The following GALNT18 variants were observed in gnomAD, a reference collection of about 807,000 sequenced individuals.
GALNT18 encodes the protein GalNAc-transferase 18.
A neutral mutation model predicts 69.5 loss-of-function variants in GALNT18; 44 were observed. The ratio of observed to expected loss-of-function variants is 0.63; its 90% CI spans 0.50 to 0.81. GALNT18 has a LOEUF of 0.81. Among genes scored for constraint, GALNT18 ranks in the 40% least tolerant of loss-of-function variants. The pLI is 0.00. For synonymous variants in GALNT18, 364 were observed against 318.2 expected (o/e 1.14, Z -1.53); for missense variants, 715 against 810.0 (o/e 0.88, Z 1.42).
At chr11:11,544,501 A>G (rs938891705) in intron 1 of GALNT18, among the ~76,000 whole-genome samples, 1 of 152,234 alleles carries the variant, frequency 6.6e-6, no homozygotes, top group Non-Finnish European at 1.5e-5. Context: ...GTACAGTGGG[A>G]AGCACACAGA....
chr11:11,280,085 A>G (rs577661124), intron 10 of GALNT18, among the ~76,000 whole-genome samples: 2 of 152,236 alleles, frequency 1.3e-5, no homozygotes, highest in South Asian at 4.1e-4. Flanking sequence ...AAACCTATTC[A>G]GAAGCATTCA....
chr11:11,355,158 T>A (rs367644995), intron 6 of GALNT18, among the ~76,000 whole-genome samples: 4 of 152,196 alleles, frequency 2.6e-5, no homozygotes, highest in Non-Finnish European at 4.4e-5. Context: ...TCAGAGCATG[T>A]CCCTCCTCTG....
chr11:11,445,584 C>A (rs776454675), intron 2 of GALNT18, among the ~76,000 whole-genome samples: 1 of 152,208 alleles, frequency 6.6e-6, no homozygotes, highest in African/African-American at 2.4e-5. Flanking sequence ...GTGTGGTCCA[C>A]CAACAGCTCT....
At chr11:11,556,045 G>A (rs564040521) in intron 1 of GALNT18, among the ~76,000 whole-genome samples, 5 of 152,148 alleles carry the variant, frequency 3.3e-5, no homozygotes, top group African/African-American at 4.8e-5. Context: ...CAAAACAATC[G>A]CATGGAACTG....
At chr11:11,450,270 C>G (rs193171114) in intron 1 of GALNT18, among the ~76,000 whole-genome samples, 1 of 152,308 alleles carries the variant, frequency 6.6e-6, no homozygotes, top group African/African-American at 2.4e-5. Context: ...TATGACACAC[C>G]TAGGTACAGG....
At chr11:11,533,388 A>T (rs1247963588) in intron 1 of GALNT18, among the ~76,000 whole-genome samples, 1 of 152,166 alleles carries the variant, frequency 6.6e-6, no homozygotes, top group African/African-American at 2.4e-5. Flanking sequence ...GCCTTGTTCC[A>T]AATCCTACTG....
At chr11:11,291,138 G>A (rs1849289248) in intron 10 of GALNT18, among the ~76,000 whole-genome samples, 1 of 152,206 alleles carries the variant, frequency 6.6e-6, no homozygotes, top group African/African-American at 2.4e-5. Context: ...GCAGAGGAAA[G>A]TGATGAAGGC....
intron 6 of GALNT18, among the ~76,000 whole-genome samples, chr11:11,371,056 C>T (rs1365736889): frequency 6.6e-6 from 1 of 152,184 alleles, no homozygotes; most frequent in Non-Finnish European, 1.5e-5. Flanking sequence ...CCCCAATAAG[C>T]CCACGCATTT....
rs1858314729 is a variant in GALNT18, at chr11:11,555,585, G to C, written c.235+65774C>G. On this transcript the variant is annotated intron_variant, in intron 1 of 10. Transcript: ENST00000227756. This position sits in a 1 kb window ranked among gnomAD's most constrained non-coding sequence, Gnocchi z 4.7. ...CAGAACTATGAGAGAATAAATTCCT[G>C]TTGTTTTAAGCCACCCACTTTATTA... 6.6e-6 allele frequency among the ~76,000 whole-genome samples: 1 copy of C among 152,198 alleles called. No homozygotes were observed. Among genetic ancestry groups the C allele is most frequent in the Admixed American group, 6.5e-5 (1 of 15,282 alleles).
intron 10 of GALNT18, among the ~76,000 whole-genome samples, chr11:11,290,273 A>G (rs1849273889): frequency 6.6e-6 from 1 of 152,140 alleles, no homozygotes; most frequent in Non-Finnish European, 1.5e-5. Flanking sequence ...GGAGGAAGAA[A>G]TGGCTAAATC....
chr11:11,349,536 T>G (rs908787189), intron 6 of GALNT18, among the ~76,000 whole-genome samples: 16 of 152,198 alleles, frequency 1.1e-4, no homozygotes, highest in Non-Finnish European at 2.2e-4. Flanking sequence ...CAACCTCCCC[T>G]GATTACTAGT....
intron 10 of GALNT18, among the ~76,000 whole-genome samples, chr11:11,285,751 G>A (rs117737049): frequency 6.6e-6 from 1 of 152,288 alleles, no homozygotes; most frequent in East Asian, 1.9e-4. Context: ...ATTGGAGCAG[G>A]AGAAAGTCAA....
chr11:11,334,300 T>G (rs184960657), intron 7 of GALNT18, among the ~76,000 whole-genome samples: 1 of 152,150 alleles, frequency 6.6e-6, no homozygotes, highest in East Asian at 1.9e-4. Context: ...CCCAGCACTT[T>G]GGGAGGCCAA....
chr11:11,277,042 G>GT (rs1848964750), intron 10 of GALNT18, among the ~76,000 whole-genome samples: 1 of 152,186 alleles, frequency 6.6e-6, no homozygotes, highest in South Asian at 2.1e-4. Context: ...AGTTAGGGAG[G>GT]ATTCCCTCTT....
intron 5 of GALNT18, among the ~76,000 whole-genome samples, chr11:11,375,616 C>G (rs1589950040): frequency 1.3e-5 from 2 of 152,320 alleles, no homozygotes; most frequent in East Asian, 3.9e-4. Context: ...GGCTCTACCG[C>G]CCAGAGCCTT....
At chr11:11,565,408 G>A (rs1858621099) in intron 1 of GALNT18, among the ~76,000 whole-genome samples, 2 of 152,178 alleles carry the variant, frequency 1.3e-5, no homozygotes, top group Non-Finnish European at 2.9e-5. Context: ...TATGCCTGTG[G>A]CTTCAGTAGT....
At chr11:11,569,170 C>T (rs948424141) in intron 1 of GALNT18, among the ~76,000 whole-genome samples, 11 of 147,748 alleles carry the variant, frequency 7.4e-5, no homozygotes, top group Non-Finnish European at 1.6e-4. Context: ...GGTAGATTCA[C>T]AACAACTCAA....
At position 11,432,576 on chromosome 11, in the gene GALNT18, C is replaced by A; in HGVS notation, c.595+45G>T. On this transcript the variant is annotated intron_variant, in intron 3 of 10. Transcript: ENST00000227756. The surrounding 1 kb of genome is among the most constrained non-coding windows in gnomAD (Gnocchi z 5.8). ...GACGCTGAACCATCAGCTTAGATGT[C>A]AGCCAGGAAGTAGGGCCTGGGCCCT... 1 of 1,558,648 alleles carries A rather than the reference C, an allele frequency of 6.4e-7. No homozygotes were observed. The highest frequency in any genetic ancestry group is 1.2e-5 in the South Asian group (1 of 84,964).
intron 1 of GALNT18, among the ~76,000 whole-genome samples, chr11:11,554,321 T>G (rs985942200): frequency 1.3e-5 from 2 of 152,126 alleles, no homozygotes; most frequent in African/African-American, 2.4e-5. Context: ...AGAAGCATTA[T>G]CACTGAGTGG....
Sources: allele counts gnomAD v4.1 joint callset (sites outside exome capture counted in the v4.1 genomes callset), GRCh38; gene constraint gnomAD v4.1.1; non-coding constraint Gnocchi (gnomAD v3.1); transcripts MANE v1.5; gene names NCBI Gene and HGNC (gene_info 2026-07-23, HGNC 2026-07-21).